The following AP1AR variants were observed in gnomAD, a reference collection of about 807,000 sequenced individuals.
The protein encoded by AP1AR is AP-1 complex-associated regulatory protein.
Under a neutral mutation model 46.3 loss-of-function variants are expected in AP1AR, and 29 were observed. The observed-to-expected ratio is 0.63, with a 90% confidence interval of 0.47 to 0.85. The LOEUF (loss-of-function observed/expected upper bound fraction) is 0.85. Ranked by LOEUF, AP1AR falls within the 40% of genes least tolerant of loss-of-function variation. The pLI is 0.00. For synonymous variants in AP1AR, 122 were observed against 122.9 expected (o/e 0.99, Z 0.05); for missense variants, 357 against 356.3 (o/e 1.00, Z -0.02).
intron 3 of AP1AR, 32 bp from the exon 4 acceptor site, chr4:112,257,738 ATT>A: frequency 1.3e-6 from 2 of 1,518,432 alleles, no homozygotes; most frequent in Non-Finnish European, 1.8e-6. Context: ...TAGCTAATGA[ATT>A]TGTTTTAATT....
At chr4:112,265,582 A>C in intron 7 of AP1AR, 152 bp from the exon 8 acceptor site, 1 of 548,844 alleles carries the variant, frequency 1.8e-6, no homozygotes. Flanking sequence ...TAAGAAAATT[A>C]AGAACTATTT....
Position 112,271,527 on chromosome 4 carries a change from AAAT to A in AP1AR, c.*3124_*3126del, listed in dbSNP as rs1726950050. On this transcript the variant is annotated 3_prime_UTR_variant, in exon 10 of 10. Transcript: ENST00000274000. Reference sequence around the variant, plus strand: ...CTGATACTGCTTTTGCTGTCTGTGTAAATAATAAACTGTCTCAATCTATTTGGA... The same window carrying A: ...CTGATACTGCTTTTGCTGTCTGTGTAAATAAACTGTCTCAATCTATTTGGA... Among the ~76,000 whole-genome samples, 1 of 152,202 alleles carries A rather than the reference AAAT, an allele frequency of 6.6e-6. No homozygotes were observed. The highest frequency in any genetic ancestry group is 2.4e-5 in the African/African-American group (1 of 41,446).
At chr4:112,260,223 A>G (rs1351129315) in intron 4 of AP1AR, among the ~76,000 whole-genome samples, 2 of 152,172 alleles carry the variant, frequency 1.3e-5, no homozygotes, top group Non-Finnish European at 2.9e-5. Flanking sequence ...AGTAGTTCAG[A>G]TCTGCCTTGG....
intron 8 of AP1AR, 135 bp downstream of exon 8, chr4:112,265,942 T>A: frequency 1.7e-6 from 1 of 577,254 alleles, no homozygotes; most frequent in Admixed American, 3.4e-5. Context: ...TCCTAGGTAG[T>A]CATTAATTAT....
intron 1 of AP1AR, among the ~76,000 whole-genome samples, chr4:112,236,998 C>T (rs999551403): frequency 1.3e-5 from 2 of 152,196 alleles, no homozygotes; most frequent in African/African-American, 4.8e-5. Context: ...AGCAATGTAA[C>T]CTTAACCTGT....
intron 1 of AP1AR, among the ~76,000 whole-genome samples, chr4:112,246,121 T>C (rs1725715861): frequency 6.6e-6 from 1 of 152,222 alleles, no homozygotes; most frequent in African/African-American, 2.4e-5. Flanking sequence ...CCAGCACCTA[T>C]ATAATAATGA....
At chr4:112,256,952 G>A (rs1260698759) in intron 3 of AP1AR, among the ~76,000 whole-genome samples, 1 of 152,136 alleles carries the variant, frequency 6.6e-6, no homozygotes, top group East Asian at 1.9e-4. Flanking sequence ...CATTCAATGT[G>A]CGTTTCTGTG....
Position 112,271,467 on chromosome 4 carries a change from C to T in AP1AR, c.*3058C>T, listed in dbSNP as rs1726948024. On this transcript the variant is annotated 3_prime_UTR_variant, in exon 10 of 10. Transcript: ENST00000274000. ...TGGTTCAGTGTCATCCAGGGATGTC[C>T]CTAAGGACCAGGTATACAGGGAGCT... is the stretch of plus-strand genomic sequence containing the variant. Among the ~76,000 whole-genome samples, 1 of 152,178 alleles carries T rather than the reference C, an allele frequency of 6.6e-6. No homozygotes were observed. The highest frequency in any genetic ancestry group is 2.4e-5 in the African/African-American group (1 of 41,430).
At chr4:112,240,255 C>A (rs1450548343) in intron 1 of AP1AR, among the ~76,000 whole-genome samples, 2 of 152,078 alleles carry the variant, frequency 1.3e-5, no homozygotes, top group African/African-American at 4.8e-5. Flanking sequence ...CTATTTCTTT[C>A]CTTTTTACTT....
rs1244784359 is a variant in AP1AR, at chr4:112,269,729, T to C, written c.*1320T>C. 1.3e-5 allele frequency: 2 copies of C among 152,506 alleles called. No individual in the cohort carries two copies. The highest frequency in any genetic ancestry group is 4.8e-5 in the African/African-American group (2 of 41,452). The allele number at this position is 152,506 out of a possible 1,614,324, so 9.4% of individuals were successfully genotyped here. A position where few individuals can be genotyped will look rare whatever the true frequency, so the allele number is the denominator to read the frequency against. ...TGCTAAGCAATGACATCTGTAGTTTTATCTCCTTTTTTATGTCATAGAAAT... is the reference window on the plus strand; with the variant it reads ...TGCTAAGCAATGACATCTGTAGTTTCATCTCCTTTTTTATGTCATAGAAAT... On this transcript the variant is annotated 3_prime_UTR_variant, in exon 10 of 10. Coordinates refer to ENST00000274000, the MANE Select transcript of AP1AR (RefSeq NM_018569.6).
intron 1 of AP1AR, among the ~76,000 whole-genome samples, chr4:112,240,560 A>G (rs1470159099): frequency 6.6e-6 from 1 of 152,216 alleles, no homozygotes; most frequent in Non-Finnish European, 1.5e-5. Context: ...CATGTTCAGT[A>G]AATACTTGTT....
At chr4:112,239,380 TA>T (rs1725385121) in intron 1 of AP1AR, among the ~76,000 whole-genome samples, 1 of 152,228 alleles carries the variant, frequency 6.6e-6, no homozygotes, top group South Asian at 2.1e-4. Context: ...GTCTTCAAAG[TA>T]ACCTAATGTT....
rs376272770 is a variant in AP1AR, at chr4:112,232,120, T to C, written c.29T>C (p.Phe10Ser). 5 of 1,299,836 alleles carry C rather than the reference T, an allele frequency of 3.8e-6. No homozygotes were observed. The highest frequency in any genetic ancestry group is 3.9e-6 in the Non-Finnish European group (4 of 1,015,860). The allele number at this position is 1,299,836 out of a possible 1,614,324, so 80.5% of individuals were successfully genotyped here. A position where few individuals can be genotyped will look rare whatever the true frequency, so the allele number is the denominator to read the frequency against. Residue 10 changes from phenylalanine (F) to serine (S), a missense_variant, in exon 1 of 10, where the codon TTC (phenylalanine) becomes TCC (serine). This residue lies in a region of AP1AR where 269 missense variants were observed against 223.6 expected (regional missense o/e 1.20). Transcript: ENST00000274000. ...GGGAACTGCTGCTGGACGCAGTGCT[T>C]CGGACTGCTTCGCAAGGAAGCGGGG... MGNCCWTQC[F>S]GLLRKEAGRL...
At chr4:112,256,041 T>C (rs537204842) in intron 3 of AP1AR, among the ~76,000 whole-genome samples, 8 of 150,764 alleles carry the variant, frequency 5.3e-5, no homozygotes, top group African/African-American at 1.9e-4. Context: ...CCTTTAAAAA[T>C]GTATTCTTTA....
chr4:112,259,354 C>G (rs143649382), intron 4 of AP1AR, among the ~76,000 whole-genome samples: 2 of 152,270 alleles, frequency 1.3e-5, no homozygotes, highest in African/African-American at 4.8e-5. Flanking sequence ...CAGATTCTGG[C>G]TTTGCCACAT....
chr4:112,232,295 C>T, intron 1 of AP1AR, 121 bp downstream of exon 1: 1 of 838,620 alleles, frequency 1.2e-6, no homozygotes, highest in Non-Finnish European at 1.6e-6. Context: ...GCTACACTCA[C>T]TGCTTAGCAG....
At chr4:112,255,282 A>G (rs1726139079) in intron 3 of AP1AR, among the ~76,000 whole-genome samples, 1 of 97,888 alleles carries the variant, frequency 1.0e-5, no homozygotes, top group South Asian at 2.6e-4. Context: ...TTTACTATCT[A>G]AGATACACTA....
chr4:112,263,094 G>T lies in AP1AR; in HGVS notation c.381+8G>T. The T allele has an allele frequency of 6.2e-7, 1 of 1,608,716 alleles. No homozygotes were observed. Among genetic ancestry groups the T allele is most frequent in the South Asian group, 1.1e-5 (1 of 90,552 alleles). ...CAGCGAAAGCTCTTGGAGGTGAGGG[G>T]AAAAGACCCCAGCATATATTAGGGT... is the stretch of plus-strand genomic sequence containing the variant. On this transcript the variant is annotated splice_region_variant and intron_variant, in intron 6 of 9. Transcript: ENST00000274000.
At chr4:112,242,289 A>G (rs1298913843) in intron 1 of AP1AR, among the ~76,000 whole-genome samples, 1 of 152,134 alleles carries the variant, frequency 6.6e-6, no homozygotes, top group Non-Finnish European at 1.5e-5. Context: ...GTTAGTTTCA[A>G]ATTCTTCCAA....
Sources: allele counts gnomAD v4.1 joint callset (sites outside exome capture counted in the v4.1 genomes callset), GRCh38; gene constraint gnomAD v4.1.1; regional missense constraint gnomAD v4.1.1; transcripts MANE v1.5; gene names NCBI Gene and HGNC (gene_info 2026-07-23, HGNC 2026-07-21).